The following MCPH1 variants were observed in gnomAD, a reference collection of about 807,000 sequenced individuals.
MCPH1 encodes microcephalin 1.
In MCPH1, 104 loss-of-function variants were observed where a neutral mutation model predicts 84.5. That is an observed-to-expected ratio of 1.23 (90% CI 1.05 to 1.45). MCPH1 has a LOEUF of 1.45. Among genes scored for constraint, MCPH1 ranks in the 40% most tolerant of loss-of-function variants. The pLI, the probability that MCPH1 is intolerant of heterozygous loss-of-function variation, is 0.00. For synonymous variants in MCPH1, 514 were observed against 366.8 expected, an observed-to-expected ratio of 1.40 and a Z score of -4.58; for missense variants, 1,498 against 1,005.7, an observed-to-expected ratio of 1.49 and a Z score of -6.62.
rs767548647 is a variant in MCPH1 at position 6,414,842 on chromosome 8, G to C, written c.192G>C (p.Gln64His). ...DGYQSTWDKA[Q>H]KRGVKLVSVL... ...ACCAGAGCACTTGGGACAAAGCTCA[G>C]AAGAGAGGCGTAAAGCTCGTTTCGG... The change falls in exon 3 of 14, where the codon CAG (glutamine) becomes CAC (histidine). Residue 64 changes from glutamine to histidine, a missense_variant. Gln to His is a conservative substitution (Grantham distance 24). Transcript: ENST00000344683. 3 of 1,613,844 alleles carry C rather than the reference G, an allele frequency of 1.9e-6. No homozygotes were observed. Among genetic ancestry groups the C allele is most frequent in the Non-Finnish European group, 2.5e-6 (3 of 1,179,910 alleles).
chr8:6,543,167 A>G (rs1180586253), intron 12 of MCPH1, among the ~76,000 whole-genome samples: 3 of 152,078 alleles, frequency 2.0e-5, no homozygotes, highest in Admixed American at 2.0e-4. Context: ...CAAAAAGTTG[A>G]AAGAATTCCA....
chr8:6,489,260 CAG>C (rs1810296191), intron 11 of MCPH1, among the ~76,000 whole-genome samples: 1 of 151,688 alleles, frequency 6.6e-6, no homozygotes, highest in Admixed American at 6.6e-5. Flanking sequence ...ATGAAGAAAA[CAG>C]TGAGTTTAGG....
intron 13 of MCPH1, 47 bp from the exon 14 acceptor site, chr8:6,642,947 G>C (rs1798029517): frequency 6.4e-7 from 1 of 1,554,216 alleles, no homozygotes; most frequent in African/African-American, 1.4e-5. Context: ...ACTTTCCTAT[G>C]TGGCTGGCTA....
chr8:6,486,290 C>CTG (rs1809906759), intron 11 of MCPH1, among the ~76,000 whole-genome samples: 1 of 151,784 alleles, frequency 6.6e-6, no homozygotes, highest in South Asian at 2.1e-4. Context: ...CTCTCTCTCT[C>CTG]TCTCTGGCAC....
intron 12 of MCPH1, among the ~76,000 whole-genome samples, chr8:6,522,151 T>C (rs974321511): frequency 1.2e-4 from 18 of 151,460 alleles, no homozygotes; most frequent in African/African-American, 9.7e-5. Context: ...GTCGGGAGAT[T>C]GAGAGTATCC....
chr8:6,640,091 T>TGA (rs1554491955), intron 13 of MCPH1, among the ~76,000 whole-genome samples: 21 of 144,936 alleles, frequency 1.4e-4, no homozygotes, highest in African/African-American at 5.6e-4. Context: ...TGTGTGTGTG[T>TGA]GTGTGTGCGC....
intron 3 of MCPH1, among the ~76,000 whole-genome samples, chr8:6,424,177 G>T (rs904683981): frequency 6.6e-6 from 1 of 152,082 alleles, no homozygotes; most frequent in Admixed American, 6.5e-5. Context: ...CATTTCCTTT[G>T]GATGTAGAAA....
At chr8:6,412,245 C>A (rs1798643020) in intron 2 of MCPH1, among the ~76,000 whole-genome samples, 1 of 152,146 alleles carries the variant, frequency 6.6e-6, no homozygotes. Context: ...CCGAGGGAGT[C>A]TGCATGTTGC....
intron 12 of MCPH1, among the ~76,000 whole-genome samples, chr8:6,612,137 G>A (rs1830336637): frequency 6.6e-6 from 1 of 152,176 alleles, no homozygotes; most frequent in Non-Finnish European, 1.5e-5. Context: ...GATGAAGGAC[G>A]TTCTTCTGCA....
intron 1 of MCPH1, among the ~76,000 whole-genome samples, chr8:6,407,469 C>T (rs1227526915): frequency 2.0e-5 from 3 of 152,038 alleles, no homozygotes; most frequent in African/African-American, 7.2e-5. Flanking sequence ...TATATGATAC[C>T]GCACGCAGTC....
intron 9 of MCPH1, among the ~76,000 whole-genome samples, chr8:6,469,923 C>G (rs1250684889): frequency 2.0e-5 from 3 of 152,052 alleles, no homozygotes; most frequent in Non-Finnish European, 4.4e-5. Flanking sequence ...GTTATTGTTT[C>G]TCACTGGTCG....
Position 6,414,659 on chromosome 8 carries a change from C to A in MCPH1, c.115-106C>A, listed in dbSNP as rs1408726650. 3 of 1,244,262 alleles carry A rather than the reference C, an allele frequency of 2.4e-6. No individual in the cohort carries two copies. In the Admixed American group the frequency reaches 6.3e-5, roughly 26 times the overall value. The allele number at this position is 1,244,262 out of a possible 1,614,324, so 77.1% of individuals were successfully genotyped here. A position where few individuals can be genotyped will look rare whatever the true frequency, so the allele number is the denominator to read the frequency against. ...TGCATTCCTTTGAGTGTTTCTCTGT[C>A]AGATGTTGAGAAACAGAATTGCTGG... On this transcript the variant is annotated intron_variant, in intron 2 of 13. Transcript: ENST00000344683.
chr8:6,575,253 C>G (rs1427900468), intron 12 of MCPH1, among the ~76,000 whole-genome samples: 2 of 152,190 alleles, frequency 1.3e-5, no homozygotes, highest in African/African-American at 4.8e-5. Flanking sequence ...TAATATTAAA[C>G]AGTATATGAA....
At chr8:6,421,095 C>G (rs1800129186) in intron 3 of MCPH1, among the ~76,000 whole-genome samples, 1 of 152,192 alleles carries the variant, frequency 6.6e-6, no homozygotes, top group African/African-American at 2.4e-5. Context: ...GGGAATTGAG[C>G]ACAGGCAGCT....
chr8:6,588,988 A>G (rs1828226735), intron 12 of MCPH1, among the ~76,000 whole-genome samples: 1 of 152,272 alleles, frequency 6.6e-6, no homozygotes, highest in African/African-American at 2.4e-5. Context: ...GCGAATGGAA[A>G]GGCAGTCACT....
chr8:6,510,395 G>A (rs10112566), intron 12 of MCPH1, among the ~76,000 whole-genome samples: 31 of 152,172 alleles, frequency 2.0e-4, no homozygotes, highest in African/African-American at 7.2e-4. Context: ...CCAAGATGAT[G>A]CCCTTCTTTG....
chr8:6,600,627 A>G (rs1829284668), intron 12 of MCPH1, among the ~76,000 whole-genome samples: 1 of 152,260 alleles, frequency 6.6e-6, no homozygotes, highest in African/African-American at 2.4e-5. Flanking sequence ...GACAAGAGAA[A>G]AACCTTACAG....
At chr8:6,495,644 A>G (rs1462892499) in intron 11 of MCPH1, among the ~76,000 whole-genome samples, 2 of 152,310 alleles carry the variant, frequency 1.3e-5, no homozygotes, top group African/African-American at 4.8e-5. Flanking sequence ...TACGCTTATA[A>G]TAAATAATGT....
chr8:6,433,930 G>GTT (rs1381976014), intron 4 of MCPH1, among the ~76,000 whole-genome samples: 1 of 151,978 alleles, frequency 6.6e-6, no homozygotes, highest in Non-Finnish European at 1.5e-5. Context: ...CATGCCAATC[G>GTT]TATTTCTATT....
Sources: gnomAD v4.1 joint callset for allele counts (sites outside exome capture counted in the v4.1 genomes callset) on GRCh38, gnomAD v4.1.1 for gene constraint, MANE v1.5 for transcripts, NCBI Gene and HGNC (gene_info 2026-07-23, HGNC 2026-07-21) for gene names.